Variants in GLDN observed in about 807,000 individuals in gnomAD.
GLDN encodes collomin.
Under a neutral mutation model 56.5 loss-of-function variants are expected in GLDN, and 47 were observed. The observed-to-expected ratio is 0.83, with a 90% CI of 0.66 to 1.06. The LOEUF (loss-of-function observed/expected upper bound fraction) is 1.06. Ranked by LOEUF, GLDN falls within the 50% of genes least tolerant of loss-of-function variation. The probability of loss-of-function intolerance (pLI) is 0.00; values close to 1 mark genes in which losing one functional copy is unlikely to be tolerated. For synonymous variants in GLDN, 332 were observed against 278.8 expected (o/e 1.19, Z -1.90); for missense variants, 782 against 714.3 (o/e 1.09, Z -1.08).
At chr15:51,389,982 TG>T (rs547945669) in intron 4 of GLDN, among the ~76,000 whole-genome samples, 111 of 152,320 alleles carry the variant, frequency 7.3e-4, no homozygotes, top group African/African-American at 2.6e-3. Flanking sequence ...TCCAGGAGAC[TG>T]AAACATCAAA....
At chr15:51,392,128 A>G (rs1407301390) in intron 4 of GLDN, among the ~76,000 whole-genome samples, 1 of 152,160 alleles carries the variant, frequency 6.6e-6, no homozygotes, top group African/African-American at 2.4e-5. Context: ...ACCATTTTGA[A>G]TATTTATTAC....
At chr15:51,395,067 C>A in intron 5 of GLDN, 86 bp downstream of exon 5, 1 of 1,338,096 alleles carries the variant, frequency 7.5e-7, no homozygotes, top group South Asian at 1.7e-5. Context: ...GCTCCTGTGT[C>A]TTCTCTCCTT....
chr15:51,349,913 G>T (rs761017303), intron 1 of GLDN, among the ~76,000 whole-genome samples: 1 of 151,886 alleles, frequency 6.6e-6, no homozygotes, highest in Admixed American at 6.6e-5. Context: ...CTAATTTTTT[G>T]TGTGTGTTTT....
At chr15:51,368,902 G>A (rs1232949234) in intron 1 of GLDN, 3 of 152,226 alleles carry the variant, frequency 2.0e-5, no homozygotes, top group South Asian at 2.1e-4. Flanking sequence ...GTTTTGGGGG[G>A]CAGGGAATCA....
chr15:51,407,052 T>G lies in GLDN; in HGVS notation c.*2298T>G, dbSNP rs531999211. On this transcript the variant is annotated 3_prime_UTR_variant, in exon 10 of 10. Coordinates refer to ENST00000335449, the MANE Select transcript of GLDN (RefSeq NM_181789.4). ...TTAGCACATATTCCTTTTAGAAAAA[T>G]GTTTCAGAAACCTCAGTCTTGATAT... 1 of 152,160 alleles carries G rather than the reference T, an allele frequency of 6.6e-6. No homozygotes were observed. Among genetic ancestry groups the G allele is most frequent in the Non-Finnish European group, 1.5e-5 (1 of 68,032 alleles). 9.4% of individuals were successfully genotyped at this position (152,160 alleles called of 1,614,324 possible).
chr15:51,364,214 G>T (rs1348056550), intron 1 of GLDN, among the ~76,000 whole-genome samples: 1 of 152,124 alleles, frequency 6.6e-6, no homozygotes, highest in Non-Finnish European at 1.5e-5. Context: ...CGGGTATTGG[G>T]CTACTTGAAG....
At chr15:51,403,295 G>A (rs2038295543) in intron 9 of GLDN, among the ~76,000 whole-genome samples, 1 of 152,190 alleles carries the variant, frequency 6.6e-6, no homozygotes, top group Non-Finnish European at 1.5e-5. Flanking sequence ...TAAACCCCAG[G>A]TATTCAGAGG....
chr15:51,367,472 CT>C (rs1039063037), intron 1 of GLDN: 1 of 152,244 alleles, frequency 6.6e-6, no homozygotes, highest in African/African-American at 2.4e-5. Context: ...CAAACCAACA[CT>C]TGGTAATTAT....
rs184970099 is a variant in GLDN, at chr15:51,399,123, C to A, written c.818-1069C>A. ...ACCCTGTAGTTCCCTAAGTGGAAAC[C>A]CCAGTTGAAACTCCGGGGGCAGCAG... On this transcript the variant is annotated intron_variant, in intron 6 of 9. Transcript: ENST00000335449. Among the ~76,000 whole-genome samples the A allele has an allele frequency of 4.0e-3, 603 of 152,240 alleles. 7 individuals carry two copies. The highest frequency in any genetic ancestry group is 0.013 in the African/African-American group (549 of 41,554).
rs141732648 is a variant in GLDN at position 51,382,589 on chromosome 15, G to A, written c.416-847G>A. 5.2e-3 allele frequency among the ~76,000 whole-genome samples: 789 copies of A among 151,898 alleles called. 4 individuals carry two copies. The highest frequency in any genetic ancestry group is 0.018 in the African/African-American group (726 of 41,422). ...AAAAAAAAAAAAATTAGCCGGGCGT[G>A]GTGGCGGGTGCCTGTAGTCCCAGCT... is the stretch of plus-strand genomic sequence containing the variant. On this transcript the variant is annotated intron_variant, in intron 2 of 9. Transcript: ENST00000335449.
chr15:51,397,534 GC>G lies in GLDN; in HGVS notation c.758del (p.Pro253LeufsTer51), dbSNP rs886041056. ...GPPGPPGPPG[P>X]PGSRRAKGPR... Reference sequence around the variant, plus strand: ...CCCCAGGCCCTCCAGGTCCTCCAGGGCCCCCTGGAAGCAGAAGAGCCAAAGG... The same window carrying G: ...CCCCAGGCCCTCCAGGTCCTCCAGGGCCCCTGGAAGCAGAAGAGCCAAAGG... On this transcript the variant is annotated frameshift_variant, in exon 6 of 10. Transcript: ENST00000335449. LOFTEE classifies it high-confidence loss of function. 1.3e-6 allele frequency: 2 copies of G among 1,599,386 alleles called. No individual in the cohort carries two copies. Among genetic ancestry groups the G allele is most frequent in the African/African-American group, 1.3e-5 (1 of 74,438 alleles).
intron 1 of GLDN, among the ~76,000 whole-genome samples, chr15:51,355,052 G>T (rs1454677732): frequency 6.6e-6 from 1 of 152,214 alleles, no homozygotes; most frequent in African/African-American, 2.4e-5. Context: ...AGTGTTACTG[G>T]AAAGAGGTCC....
chr15:51,365,649 C>T (rs1425128573), intron 1 of GLDN, among the ~76,000 whole-genome samples: 4 of 152,202 alleles, frequency 2.6e-5, no homozygotes, highest in Non-Finnish European at 4.4e-5. Flanking sequence ...GTATGTCTGA[C>T]TCCCAAGTCC....
At chr15:51,376,847 G>A (rs2037641672) in intron 1 of GLDN, among the ~76,000 whole-genome samples, 1 of 152,118 alleles carries the variant, frequency 6.6e-6, no homozygotes. Flanking sequence ...TCCTATTGGA[G>A]GGTCTCCAGG....
At chr15:51,404,125 G>C (rs978178759) in intron 9 of GLDN, 152 bp from the exon 10 acceptor site, 5 of 667,464 alleles carry the variant, frequency 7.5e-6, no homozygotes, top group Admixed American at 4.9e-5. Flanking sequence ...CCAAGGACCA[G>C]CAGAGCAGGC....
chr15:51,374,461 A>G (rs1228394943), intron 1 of GLDN, among the ~76,000 whole-genome samples: 2 of 152,242 alleles, frequency 1.3e-5, no homozygotes, highest in African/African-American at 4.8e-5. Flanking sequence ...AATAGAAAGT[A>G]GAGTGGACCT....
At chr15:51,345,411 C>T (rs1223531311) in intron 1 of GLDN, among the ~76,000 whole-genome samples, 1 of 152,158 alleles carries the variant, frequency 6.6e-6, no homozygotes, top group Non-Finnish European at 1.5e-5. Context: ...TTCAAAATGT[C>T]CTTGGCACCT....
chr15:51,410,743 A>G (rs1174630573), downstream of GLDN, among the ~76,000 whole-genome samples: 1 of 152,230 alleles, frequency 6.6e-6, no homozygotes, highest in African/African-American at 2.4e-5. Flanking sequence ...TAGTAAAAAT[A>G]TGTCCCAGAT....
At chr15:51,410,877 T>A (rs1378889371), downstream of GLDN, among the ~76,000 whole-genome samples, 51 of 152,294 alleles carry the variant, frequency 3.3e-4, no homozygotes, top group Non-Finnish European at 7.4e-5. Flanking sequence ...AAGAAGCCAC[T>A]GAAATGGGGC....
Sources: allele counts gnomAD v4.1 joint callset (sites outside exome capture counted in the v4.1 genomes callset), GRCh38; gene constraint gnomAD v4.1.1; transcripts MANE v1.5; gene names NCBI Gene and HGNC (gene_info 2026-07-23, HGNC 2026-07-21).